The following CNOT4 variants were observed in gnomAD, a reference collection of about 807,000 sequenced individuals.
The protein encoded by CNOT4 is CCR4-NOT transcription complex subunit 4.
CNOT4 carries 8 observed loss-of-function variants against 73.8 expected under a neutral mutation model. The observed-to-expected ratio is 0.11, with a 90% confidence interval of 0.06 to 0.20. The LOEUF is 0.20. Ranked by LOEUF, CNOT4 falls within the 10% of genes least tolerant of loss-of-function variation. The pLI, the probability that CNOT4 is intolerant of heterozygous loss-of-function variation, is 1.00. For synonymous variants in CNOT4, 293 were observed against 321.1 expected, an observed-to-expected ratio of 0.91 and a Z score of 0.94; for missense variants, 564 against 883.4, an observed-to-expected ratio of 0.64 and a Z score of 4.58.
intron 1 of CNOT4, among the ~76,000 whole-genome samples, chr7:135,508,458 C>G (rs568417383): frequency 4.6e-5 from 7 of 152,336 alleles, no homozygotes; most frequent in African/African-American, 1.4e-4. Context: ...CAGCCCCCTT[C>G]TTTTCTATGA....
chr7:135,455,721 A>G (rs193143461), intron 1 of CNOT4, among the ~76,000 whole-genome samples: 1 of 152,210 alleles, frequency 6.6e-6, no homozygotes, highest in East Asian at 1.9e-4. Flanking sequence ...CTAAAAATAA[A>G]AAATTAGCTG....
chr7:135,509,862 CCT>C, intron 1 of CNOT4, 25 bp downstream of exon 1: 1 of 394,582 alleles, frequency 2.5e-6, no homozygotes, highest in Non-Finnish European at 4.5e-6. Flanking sequence ...CCGGGTTTCC[CCT>C]AAGCCCAGCC....
At chr7:135,378,405 G>A (rs1795641813) in intron 10 of CNOT4, among the ~76,000 whole-genome samples, 1 of 151,954 alleles carries the variant, frequency 6.6e-6, no homozygotes, top group Admixed American at 6.6e-5. Flanking sequence ...TTGGGAGGCT[G>A]AGGCAGGAGA....
At chr7:135,405,860 T>TCTTA (rs1797253414) in intron 7 of CNOT4, among the ~76,000 whole-genome samples, 1 of 152,180 alleles carries the variant, frequency 6.6e-6, no homozygotes, top group African/African-American at 2.4e-5. Flanking sequence ...CATTTTAAGC[T>TCTTA]TAGAGCCTCA....
At chr7:135,392,566 T>C in intron 10 of CNOT4, among the ~76,000 whole-genome samples, 1 of 152,164 alleles carries the variant, frequency 6.6e-6, no homozygotes, top group East Asian at 1.9e-4. Context: ...TATTTGGAAC[T>C]GAACACATTG....
At position 135,425,159 on chromosome 7, in the gene CNOT4, G is replaced by A. The variant is rs550185317; in HGVS notation, c.175-2806C>T. 1.2e-4 allele frequency among the ~76,000 whole-genome samples: 18 copies of A among 152,274 alleles called. No individual in the cohort carries two copies. The East Asian group carries it at 2.5e-3, about 21-fold the overall frequency. On this transcript the variant is annotated intron_variant, in intron 2 of 11. Coordinates refer to ENST00000541284, the MANE Select transcript of CNOT4 (RefSeq NM_001190850.2). ...TCAGTCCTCAACAGACAGGGGAAAA[G>A]AAAGAAAAGAAAAAATCTGGTTCTT... is the stretch of plus-strand genomic sequence containing the variant.
At chr7:135,452,311 G>A (rs1057369143) in intron 1 of CNOT4, among the ~76,000 whole-genome samples, 7 of 151,608 alleles carry the variant, frequency 4.6e-5, no homozygotes, top group African/African-American at 1.2e-4. Context: ...GGTGGCTCAC[G>A]CCTGTCCCAG....
intron 2 of CNOT4, among the ~76,000 whole-genome samples, chr7:135,424,823 A>C (rs112841902): frequency 0.043 from 6,590 of 152,168 alleles, 464 homozygotes; most frequent in African/African-American, 0.14. Context: ...ACAAAAAAAA[A>C]CAAACAAGTT....
At chr7:135,448,967 A>C (rs1256589219) in intron 1 of CNOT4, among the ~76,000 whole-genome samples, 1 of 152,214 alleles carries the variant, frequency 6.6e-6, no homozygotes, top group Non-Finnish European at 1.5e-5. Flanking sequence ...TGAAACATCA[A>C]TAAGCACATG....
chr7:135,467,876 C>G (rs947350546), intron 1 of CNOT4, among the ~76,000 whole-genome samples: 12 of 152,128 alleles, frequency 7.9e-5, no homozygotes, highest in African/African-American at 2.9e-4. Context: ...TTCTTCATTT[C>G]TTTCACAAAT....
At chr7:135,503,640 A>G (rs540266136) in intron 1 of CNOT4, among the ~76,000 whole-genome samples, 134 of 152,152 alleles carry the variant, frequency 8.8e-4, no homozygotes, top group Non-Finnish European at 1.6e-3. Context: ...TAAATGGCAA[A>G]ACCAAAATAT....
At chr7:135,442,820 G>A (rs1473543530) in intron 1 of CNOT4, among the ~76,000 whole-genome samples, 1 of 152,020 alleles carries the variant, frequency 6.6e-6, no homozygotes, top group African/African-American at 2.4e-5. Context: ...CACCTTGGGT[G>A]GCCAAGGCAG....
rs187161020 is a variant in CNOT4 at position 135,410,762 on chromosome 7, A to T, written c.688-114T>A. ...TTTAAATAAAATAAATAATATTTTT[A>T]AAAAATAAAATATTAAATAAATTTT... On this transcript the variant is annotated intron_variant, in intron 6 of 11. Transcript: ENST00000541284. 317 of 636,874 alleles carry T rather than the reference A, an allele frequency of 5.0e-4. 1 individual carries two copies. The African/African-American group carries it at 5.0e-3, about 10-fold the overall frequency. 39.5% of individuals were successfully genotyped at this position (636,874 alleles called of 1,614,324 possible). A position where few individuals can be genotyped will look rare whatever the true frequency, so the allele number is the denominator to read the frequency against.
chr7:135,368,897 T>C (rs1038197567), intron 10 of CNOT4, among the ~76,000 whole-genome samples: 1 of 152,220 alleles, frequency 6.6e-6, no homozygotes, highest in African/African-American at 2.4e-5. Context: ...CTAGTGGGTA[T>C]CTTTCTGTTC....
intron 7 of CNOT4, among the ~76,000 whole-genome samples, chr7:135,403,211 CTAAAT>C (rs1178514471): frequency 6.6e-6 from 1 of 152,184 alleles, no homozygotes; most frequent in Non-Finnish European, 1.5e-5. Context: ...CATTTTGCTT[CTAAAT>C]TAAATACTCC....
chr7:135,465,800 C>A (rs984813082), intron 1 of CNOT4, among the ~76,000 whole-genome samples: 6 of 151,868 alleles, frequency 4.0e-5, no homozygotes, highest in Non-Finnish European at 5.9e-5. Flanking sequence ...GTAATCCCAG[C>A]ACTTTGGGAG....
intron 1 of CNOT4, among the ~76,000 whole-genome samples, chr7:135,451,956 C>T (rs1173704495): frequency 6.6e-6 from 1 of 152,064 alleles, no homozygotes; most frequent in Admixed American, 6.6e-5. Flanking sequence ...ACAAATAAAA[C>T]AGTGATTCAG....
intron 2 of CNOT4, among the ~76,000 whole-genome samples, chr7:135,424,876 T>C (rs1417201610): frequency 1.3e-5 from 2 of 152,176 alleles, no homozygotes; most frequent in Non-Finnish European, 2.9e-5. Context: ...AAAACACCGA[T>C]GCTCCACTGC....
At chr7:135,489,391 C>CTTT (rs71174525) in intron 1 of CNOT4, among the ~76,000 whole-genome samples, 222 of 84,716 alleles carry the variant, frequency 2.6e-3, no homozygotes, top group African/African-American at 3.3e-3. Flanking sequence ...AGTCACATTT[C>CTTT]TTTTTTTTTT....
Sources: gnomAD v4.1 joint callset for allele counts (sites outside exome capture counted in the v4.1 genomes callset) on GRCh38, gnomAD v4.1.1 for gene constraint, MANE v1.5 for transcripts, NCBI Gene and HGNC (gene_info 2026-07-23, HGNC 2026-07-21) for gene names.